The following PRELID2 variants were observed in gnomAD, a reference collection of about 807,000 sequenced individuals.
The protein encoded by PRELID2 is PRELI domain containing 2.
PRELID2 carries 25 observed loss-of-function variants against 28.4 expected under a neutral mutation model. The ratio of observed to expected loss-of-function variants is 0.88; its 90% CI spans 0.64 to 1.23. The LOEUF (loss-of-function observed/expected upper bound fraction) is 1.23, where lower values mean the gene tolerates loss of function less well. PRELID2 is among the 50% of genes most tolerant of loss of function. The probability of loss-of-function intolerance (pLI) is 0.00; values close to 1 mark genes in which losing one functional copy is unlikely to be tolerated. For synonymous variants in PRELID2, 76 were observed against 71.6 expected (o/e 1.06, Z -0.31); for missense variants, 201 against 214.4 (o/e 0.94, Z 0.39).
intron 4 of PRELID2, among the ~76,000 whole-genome samples, chr5:145,817,200 TAA>T (rs1483658673): frequency 0.012 from 644 of 55,644 alleles, 20 homozygotes; most frequent in Non-Finnish European, 0.021. Context: ...CAAAAAAAAA[TAA>T]ATAAATAAAT....
chr5:145,273,929 T>A, the PRELID2 span, among the ~76,000 whole-genome samples: 1 of 151,936 alleles, frequency 6.6e-6, no homozygotes, highest in African/African-American at 2.4e-5. Flanking sequence ...GAGAAGGAGT[T>A]TGATGATTTC....
At chr5:145,317,630 A>G in the PRELID2 span, among the ~76,000 whole-genome samples, 5 of 152,222 alleles carry the variant, frequency 3.3e-5, no homozygotes, top group Non-Finnish European at 7.3e-5. Flanking sequence ...AGGAGAATCC[A>G]GAGTATTTCT....
the PRELID2 span, among the ~76,000 whole-genome samples, chr5:145,241,631 A>G: frequency 6.6e-6 from 1 of 151,388 alleles, no homozygotes; most frequent in South Asian, 2.1e-4. Flanking sequence ...TCCACTGTAG[A>G]AAATCTACAC....
At chr5:145,338,134 G>C in the PRELID2 span, 71 of 152,190 alleles carry the variant, frequency 4.7e-4, no homozygotes, top group African/African-American at 1.5e-3. Context: ...TGACAAAAAT[G>C]AAGAACATGT....
intron 1 of PRELID2, among the ~76,000 whole-genome samples, chr5:145,739,839 T>A (rs1444901528): frequency 1.3e-5 from 2 of 151,654 alleles, no homozygotes; most frequent in South Asian, 2.1e-4. Context: ...TAAAAAACTG[T>A]ACAAAACAAT....
chr5:145,611,527 C>T (rs1362614231), intron 1 of PRELID2, among the ~76,000 whole-genome samples: 1 of 152,152 alleles, frequency 6.6e-6, no homozygotes, highest in Admixed American at 6.5e-5. Flanking sequence ...AAAAATTCTT[C>T]TAAGACCTTT....
intron 1 of PRELID2, among the ~76,000 whole-genome samples, chr5:145,684,885 G>A (rs1755005614): frequency 6.6e-6 from 1 of 152,128 alleles, no homozygotes; most frequent in South Asian, 2.1e-4. Context: ...CAGGATTTGA[G>A]GTCACAGCTT....
chr5:145,351,580 C>T, the PRELID2 span, among the ~76,000 whole-genome samples: 59 of 152,216 alleles, frequency 3.9e-4, no homozygotes, highest in African/African-American at 1.3e-3. Flanking sequence ...AGCCAAACCA[C>T]ATTATTCCAC....
At chr5:145,354,199 A>T in the PRELID2 span, among the ~76,000 whole-genome samples, 88 of 151,492 alleles carry the variant, frequency 5.8e-4, no homozygotes, top group African/African-American at 2.1e-3. Flanking sequence ...ACATTATTCG[A>T]CGACTTTCCT....
chr5:145,644,267 C>A (rs1204448969), intron 1 of PRELID2, among the ~76,000 whole-genome samples: 2 of 152,090 alleles, frequency 1.3e-5, no homozygotes, highest in East Asian at 1.9e-4. Flanking sequence ...AGGAATTTAT[C>A]CATTTCTTCT....
rs549162629 is a variant in PRELID2 at position 145,539,224 on chromosome 5, C to T, written n.71-65909G>A. Among the ~76,000 whole-genome samples the T allele has an allele frequency of 5.9e-4, 89 of 152,118 alleles. 1 individual carries two copies. The highest frequency in any genetic ancestry group is 2.0e-3 in the African/African-American group (83 of 41,552). On this transcript the variant is annotated intron_variant and non_coding_transcript_variant, in intron 1 of 2. Transcript: ENST00000510259. ...CCAAAAATGGAGAATTTATTACCAG[C>T]TATTAACTGGTTTCCATTTTGAGTT...
intron 1 of PRELID2, among the ~76,000 whole-genome samples, chr5:145,674,338 G>A (rs922034737): frequency 6.6e-6 from 1 of 151,102 alleles, no homozygotes; most frequent in African/African-American, 2.4e-5. Flanking sequence ...AGGCCCGGGT[G>A]TGTGATGTTC....
At chr5:145,512,865 C>A (rs2126642261) in intron 1 of PRELID2, among the ~76,000 whole-genome samples, 2 of 152,278 alleles carry the variant, frequency 1.3e-5, no homozygotes, top group African/African-American at 2.4e-5. Context: ...GGACCTTCAG[C>A]AAACTCCAGC....
chr5:145,739,005 C>A (rs1040365096), intron 1 of PRELID2, among the ~76,000 whole-genome samples: 2 of 152,064 alleles, frequency 1.3e-5, no homozygotes, highest in Non-Finnish European at 2.9e-5. Context: ...ACCATGGAGG[C>A]TACAGGAAGT....
At chr5:145,385,633 G>A in the PRELID2 span, among the ~76,000 whole-genome samples, 2 of 152,146 alleles carry the variant, frequency 1.3e-5, no homozygotes, top group Non-Finnish European at 2.9e-5. Flanking sequence ...ATGTAGGACT[G>A]TTTCCTCTTT....
intron 1 of PRELID2, among the ~76,000 whole-genome samples, chr5:145,590,891 G>A (rs898110507): frequency 3.3e-5 from 5 of 152,040 alleles, no homozygotes; most frequent in Non-Finnish European, 7.4e-5. Flanking sequence ...TAGACTCATG[G>A]GAATATTGAA....
intron 1 of PRELID2, among the ~76,000 whole-genome samples, chr5:145,710,379 G>A (rs1755660803): frequency 6.6e-6 from 1 of 152,044 alleles, no homozygotes; most frequent in South Asian, 2.1e-4. Flanking sequence ...CATTAACCTT[G>A]GGAAAACAAT....
intron 4 of PRELID2, among the ~76,000 whole-genome samples, chr5:145,816,995 A>G (rs4639282): frequency 0.71 from 106,450 of 149,520 alleles, 38,764 homozygotes; most frequent in Non-Finnish European, 0.81. Context: ...CCCCGTATCT[A>G]CGAAACAAAT....
At chr5:145,549,318 T>TA (rs2126679502) in intron 1 of PRELID2, among the ~76,000 whole-genome samples, 1 of 152,346 alleles carries the variant, frequency 6.6e-6, no homozygotes, top group Non-Finnish European at 1.5e-5. Context: ...AAATTGTGTT[T>TA]CTTGAATAAA....
Sources: gnomAD v4.1 joint callset for allele counts (sites outside exome capture counted in the v4.1 genomes callset) on GRCh38, gnomAD v4.1.1 for gene constraint, MANE v1.5 for transcripts, NCBI Gene and HGNC (gene_info 2026-07-23, HGNC 2026-07-21) for gene names.